CFAP157: variants seen among roughly 807,000 people sequenced by gnomAD.
CFAP157 encodes cilia- and flagella-associated protein 157.
In CFAP157, 43 loss-of-function variants were observed where a neutral mutation model predicts 57.8. The ratio of observed to expected loss-of-function variants is 0.74; its 90% CI spans 0.58 to 0.96. CFAP157 has a LOEUF of 0.96. CFAP157 is among the 40% of genes least tolerant of loss of function. The pLI, the probability that CFAP157 is intolerant of heterozygous loss-of-function variation, is 0.00. For missense variants in CFAP157, 606 were observed against 655.3 expected (o/e 0.92, Z 0.82); for synonymous variants, 267 against 269.0 (o/e 0.99, Z 0.07).
Position 127,715,465 on chromosome 9 carries a change from G to A in CFAP157, c.*1560G>A, listed in dbSNP as rs1484767986. On this transcript the variant is annotated 3_prime_UTR_variant, in exon 9 of 9. Coordinates refer to ENST00000373295, the MANE Select transcript of CFAP157 (RefSeq NM_001012502.3). This position sits in a 1 kb window ranked among gnomAD's most constrained non-coding sequence, Gnocchi z 5.8. ...AAGAAAACAGAGCAGCAATTTGGGG[G>A]CACTCGGCTCCCGGGACATAATGGC... is the stretch of plus-strand genomic sequence containing the variant. 1.3e-6 allele frequency: 2 copies of A among 1,582,336 alleles called. No homozygotes were observed. The highest frequency in any genetic ancestry group is 1.1e-5 in the South Asian group (1 of 89,412).
rs771496957 is a variant in CFAP157, at chr9:127,715,653, A to G, written c.*1748A>G. On this transcript the variant is annotated 3_prime_UTR_variant, in exon 9 of 9. Coordinates refer to ENST00000373295, the MANE Select transcript of CFAP157 (RefSeq NM_001012502.3). This position sits in a 1 kb window ranked among gnomAD's most constrained non-coding sequence, Gnocchi z 5.8. ...GCCCGGCCTCATGCTGCCCCCATTCACTCCGACACCGCCCCCTGACGTCAT... is the reference window on the plus strand; with the variant it reads ...GCCCGGCCTCATGCTGCCCCCATTCGCTCCGACACCGCCCCCTGACGTCAT... 6.2e-6 allele frequency: 10 copies of G among 1,607,108 alleles called. No homozygotes were observed. The Admixed American group carries it at 1.2e-4, about 19-fold the overall frequency.
chr9:127,710,786 G>A (rs772040393), intron 3 of CFAP157, 32 bp downstream of exon 3: 1 of 1,551,684 alleles, frequency 6.4e-7, no homozygotes, highest in East Asian at 2.4e-5. Context: ...TGGGGCCTTT[G>A]GAGGCTTCAT....
rs181393981 is a variant in CFAP157, at chr9:127,709,546, G to C, written c.286G>C (p.Asp96His). ...FLKRTLNQQV[D>H]EITDLNEQLQ... ...CAAGCGCACGCTCAACCAGCAGGTG[G>C]ATGAGATCACAGACCTCAACGAGCA... The change falls in exon 2 of 9, where the codon GAT becomes CAT. Residue 96 changes from aspartate (D) to histidine (H), a missense_variant. Asp to His is a moderately conservative substitution (Grantham distance 81, BLOSUM62 -1). Coordinates refer to ENST00000373295, the MANE Select transcript of CFAP157 (RefSeq NM_001012502.3). This position sits in a 1 kb window ranked among gnomAD's most constrained non-coding sequence, Gnocchi z 4.7. 7.4e-6 allele frequency: 12 copies of C among 1,614,152 alleles called. No homozygotes were observed. The East Asian group carries it at 2.2e-4, about 30-fold the overall frequency.
Position 127,707,171 on chromosome 9 carries a change from A to G in CFAP157, c.140A>G (p.Asp47Gly). The stretch of plus-strand genomic sequence containing the variant: ...GAGTTCTACCACATCCAGATCCGAG[A>G]CCTGGAGGACCGGCTAGCCCGGTGC... ...MKEFYHIQIRDLEDRLARYQR... is the reference protein window; with the variant it reads ...MKEFYHIQIRGLEDRLARYQR... The change falls in exon 1 of 9, where the codon GAC (aspartate) becomes GGC (glycine). Residue 47 changes from aspartate to glycine, a missense_variant. By Grantham distance (94) the Asp-to-Gly change is moderately conservative (BLOSUM62 -1). Transcript: ENST00000373295. 6.2e-7 allele frequency: 1 copy of G among 1,612,942 alleles called. No individual in the cohort carries two copies. Among genetic ancestry groups the G allele is most frequent in the East Asian group, 2.2e-5 (1 of 44,836 alleles).
In CFAP157 at chr9:127,715,437, G is replaced by T; in HGVS notation, c.*1532G>T. On this transcript the variant is annotated 3_prime_UTR_variant, in exon 9 of 9. Transcript: ENST00000373295. This position sits in a 1 kb window ranked among gnomAD's most constrained non-coding sequence, Gnocchi z 5.8. ...AGCCCGTCGAGCACTGAACTCACCA[G>T]TTAAGAAAACAGAGCAGCAATTTGG... The T allele has an allele frequency of 6.7e-7, 1 of 1,502,054 alleles. No individual in the cohort carries two copies. 93.0% of individuals were successfully genotyped at this position (1,502,054 alleles called of 1,614,324 possible).
intron 6 of CFAP157, 72 bp from the exon 7 acceptor site, chr9:127,712,637 G>A: frequency 3.7e-6 from 6 of 1,612,284 alleles, no homozygotes; most frequent in East Asian, 2.2e-5. Flanking sequence ...GGGCACTGAG[G>A]TTGGAATTTC....
chr9:127,712,644 T>C, intron 6 of CFAP157, 65 bp from the exon 7 acceptor site: 1 of 1,612,930 alleles, frequency 6.2e-7, no homozygotes, highest in Non-Finnish European at 8.5e-7. Context: ...GAGGTTGGAA[T>C]TTCCTGGACG....
In CFAP157 at chr9:127,709,344, A is replaced by C. The variant is rs1293235330; in HGVS notation, c.162-78A>C. ...TGCCCCTTTACGGGACAGGGAGTCCAGGAGAGTGGGCCCAGCTGCACCAGA... is the reference window on the plus strand; with the variant it reads ...TGCCCCTTTACGGGACAGGGAGTCCCGGAGAGTGGGCCCAGCTGCACCAGA... On this transcript the variant is annotated intron_variant, in intron 1 of 8. Coordinates refer to ENST00000373295, the MANE Select transcript of CFAP157 (RefSeq NM_001012502.3). This position sits in a 1 kb window ranked among gnomAD's most constrained non-coding sequence, Gnocchi z 4.7. 4.1e-6 allele frequency: 6 copies of C among 1,476,368 alleles called. No individual in the cohort carries two copies. The highest frequency in any genetic ancestry group is 5.5e-6 in the Non-Finnish European group (6 of 1,086,776). The allele number at this position is 1,476,368 out of a possible 1,614,324, so 91.5% of individuals were successfully genotyped here.
rs542140134 is a variant in CFAP157 at position 127,710,578 on chromosome 9, G to A, written c.434-23G>A. On this transcript the variant is annotated intron_variant, in intron 2 of 8. Transcript: ENST00000373295. ...GTCCTCTGAGGCAGCCCATCATTGG[G>A]CCTTGTGCGCTGTGGCGGCCAGGGG... The A allele has an allele frequency of 2.0e-5, 32 of 1,566,606 alleles. No homozygotes were observed. The Admixed American group carries it at 4.9e-4, about 24-fold the overall frequency.
At chr9:127,712,580 C>G in intron 6 of CFAP157, 129 bp from the exon 7 acceptor site, 2 of 1,566,012 alleles carry the variant, frequency 1.3e-6, no homozygotes, top group South Asian at 1.2e-5. Context: ...GTCTTCCCGA[C>G]TGAAGAATGG....
chr9:127,709,390 ACC>A lies in CFAP157; in HGVS notation c.162-29_162-28del. ...CCAGAGGCCTGGCTTGCCCAGCCTG[ACC>A]CCTGGACCACGGCTCTGCCCCTGCC... On this transcript the variant is annotated intron_variant, in intron 1 of 8. Coordinates refer to ENST00000373295, the MANE Select transcript of CFAP157 (RefSeq NM_001012502.3). This position sits in a 1 kb window ranked among gnomAD's most constrained non-coding sequence, Gnocchi z 4.7. 2 of 1,603,394 alleles carry A rather than the reference ACC, an allele frequency of 1.2e-6. No individual in the cohort carries two copies. Among genetic ancestry groups the A allele is most frequent in the Non-Finnish European group, 1.7e-6 (2 of 1,174,746 alleles).
chr9:127,715,747 C>A lies in CFAP157; in HGVS notation c.*1842C>A, dbSNP rs746475287. ...CCGCCAACGTCCAATCCGGGCCGGGCTACGTGGCCGCCATGCTTCTGAGGG... is the reference window on the plus strand; with the variant it reads ...CCGCCAACGTCCAATCCGGGCCGGGATACGTGGCCGCCATGCTTCTGAGGG... On this transcript the variant is annotated 3_prime_UTR_variant, in exon 9 of 9. Coordinates refer to ENST00000373295, the MANE Select transcript of CFAP157 (RefSeq NM_001012502.3). This position sits in a 1 kb window ranked among gnomAD's most constrained non-coding sequence, Gnocchi z 5.8. 2.2e-5 allele frequency: 34 copies of A among 1,533,768 alleles called. No individual in the cohort carries two copies. The highest frequency in any genetic ancestry group is 2.9e-5 in the Non-Finnish European group (33 of 1,145,778).
chr9:127,714,941 G>GGGCC lies in CFAP157; in HGVS notation c.*1036_*1037insGGCC. 2.2e-6 allele frequency: 1 copy of GGGCC among 446,382 alleles called. No homozygotes were observed. The highest frequency in any genetic ancestry group is 4.1e-6 in the Non-Finnish European group (1 of 246,458). 27.7% of individuals were successfully genotyped at this position (446,382 alleles called of 1,614,324 possible). On this transcript the variant is annotated 3_prime_UTR_variant, in exon 9 of 9. Coordinates refer to ENST00000373295, the MANE Select transcript of CFAP157 (RefSeq NM_001012502.3). Reference sequence around the variant, plus strand: ...CCGCGCCCCAACCCCCACCCCCTTGGCCCGCCCGCCCACCCCTGGCGCTCT... The same window carrying GGGCC: ...CCGCGCCCCAACCCCCACCCCCTTGGGGCCCCCGCCCGCCCACCCCTGGCGCTCT...
chr9:127,714,980 C>T lies in CFAP157; in HGVS notation c.*1075C>T, dbSNP rs1377654512. The T allele has an allele frequency of 6.9e-7, 1 of 1,448,854 alleles. No homozygotes were observed. Among genetic ancestry groups the T allele is most frequent in the Non-Finnish European group, 9.0e-7 (1 of 1,105,116 alleles). 89.7% of individuals were successfully genotyped at this position (1,448,854 alleles called of 1,614,324 possible). A position where few individuals can be genotyped will look rare whatever the true frequency, so the allele number is the denominator to read the frequency against. On this transcript the variant is annotated 3_prime_UTR_variant, in exon 9 of 9. Coordinates refer to ENST00000373295, the MANE Select transcript of CFAP157 (RefSeq NM_001012502.3). ...CCCTGGCGCTCTCAACTCACCAGCC[C>T]GGGCCACGCTGCGCCCGTTGGCGTT...
In CFAP157 at chr9:127,712,711, G is replaced by T; in HGVS notation, c.1140G>T (p.Met380Ile). The T allele has an allele frequency of 2.5e-6, 4 of 1,614,188 alleles. No individual in the cohort carries two copies. The highest frequency in any genetic ancestry group is 4.5e-5 in the East Asian group (2 of 44,880). The change falls in exon 7 of 9, where the codon ATG becomes ATT. Residue 380 changes from methionine (M) to isoleucine (I), a missense_variant and splice_region_variant. By Grantham distance (10) the Met-to-Ile change is conservative. Transcript: ENST00000373295. ...TGCCACCCCACCCTCACCAACAGAT[G>T]CACCGCGATGAAGAGGACAGTGACG... ...ATSFLQNILQ[M>I]HRDEEDSDVD...
At position 127,714,584 on chromosome 9, in the gene CFAP157, G is replaced by A. The variant is rs1842873044; in HGVS notation, c.*679G>A. The stretch of plus-strand genomic sequence containing the variant: ...AGGCCTGAAGCCCTATCCCAACCCT[G>A]ACCATCTCAGGACCTCACCTGGCAC... On this transcript the variant is annotated 3_prime_UTR_variant, in exon 9 of 9. Coordinates refer to ENST00000373295, the MANE Select transcript of CFAP157 (RefSeq NM_001012502.3). The A allele has an allele frequency of 1.2e-6, 2 of 1,611,110 alleles. No individual in the cohort carries two copies. Among genetic ancestry groups the A allele is most frequent in the Admixed American group, 1.7e-5 (1 of 59,944 alleles).
chr9:127,708,668 G>A (rs1842699634), intron 1 of CFAP157, among the ~76,000 whole-genome samples: 2 of 152,174 alleles, frequency 1.3e-5, no homozygotes, highest in Admixed American at 1.3e-4. Flanking sequence ...GTTATTGGGT[G>A]CTTACTATTT....
In CFAP157 at chr9:127,710,668, G is replaced by A; in HGVS notation, c.501G>A (p.Leu167=). ...QKEEVTDKFT[L]LEEQVRKQEN... is the part of the protein sequence containing the mutation. ...AGGAGGTCACGGACAAGTTCACATTGCTGGAGGAGCAGGTGCGGAAGCAGG... is the reference window on the plus strand; with the variant it reads ...AGGAGGTCACGGACAAGTTCACATTACTGGAGGAGCAGGTGCGGAAGCAGG... The change falls in exon 3 of 9, where the codon TTG becomes TTA. Residue 167 remains leucine (L), a synonymous_variant. Transcript: ENST00000373295. 1.9e-6 allele frequency: 3 copies of A among 1,584,272 alleles called. No homozygotes were observed. Among genetic ancestry groups the A allele is most frequent in the Non-Finnish European group, 2.6e-6 (3 of 1,164,786 alleles).
intron 8 of CFAP157, 31 bp from the exon 9 acceptor site, chr9:127,713,803 G>A (rs758845845): frequency 9.4e-6 from 15 of 1,600,222 alleles, no homozygotes; most frequent in Admixed American, 3.3e-5. Flanking sequence ...CACTGCACCC[G>A]GCCTCCAAGC....
Sources: gnomAD v4.1 joint callset for allele counts (sites outside exome capture counted in the v4.1 genomes callset) on GRCh38, gnomAD v4.1.1 for gene constraint, Gnocchi (gnomAD v3.1) non-coding constraint, MANE v1.5 for transcripts, NCBI Gene and HGNC (gene_info 2026-07-23, HGNC 2026-07-21) for gene names.